Variants in ZCCHC4 observed in about 807,000 individuals in gnomAD.
The protein encoded by ZCCHC4 is zinc finger CCHC-type containing 4.
A neutral mutation model predicts 67.7 loss-of-function variants in ZCCHC4; 54 were observed. That is an observed-to-expected ratio of 0.80 (90% CI 0.64 to 1.00). The LOEUF (loss-of-function observed/expected upper bound fraction) is 1.00. Among genes scored for constraint, ZCCHC4 ranks in the 50% least tolerant of loss-of-function variants. The pLI is 0.00. For synonymous variants in ZCCHC4, 198 were observed against 213.5 expected (o/e 0.93, Z 0.63); for missense variants, 609 against 617.0 (o/e 0.99, Z 0.14).
chr4:25,342,084 G>GT (rs1484143774), intron 5 of ZCCHC4, among the ~76,000 whole-genome samples: 1 of 152,100 alleles, frequency 6.6e-6, no homozygotes, highest in African/African-American at 2.4e-5. Context: ...TCACAGTTCA[G>GT]TTTTTTTGAT....
At chr4:25,353,154 C>T (rs941616231) in intron 8 of ZCCHC4, among the ~76,000 whole-genome samples, 2 of 152,156 alleles carry the variant, frequency 1.3e-5, no homozygotes, top group African/African-American at 4.8e-5. Context: ...TTTTGGACTA[C>T]AGGTTGTTTT....
At position 25,362,630 on chromosome 4, in the gene ZCCHC4, C is replaced by T. The variant is rs578032670; in HGVS notation, c.1209+329C>T. 3.1e-4 allele frequency among the ~76,000 whole-genome samples: 47 copies of T among 152,208 alleles called. No individual in the cohort carries two copies. In the South Asian group the frequency reaches 9.6e-3, roughly 31 times the overall value. On this transcript the variant is annotated intron_variant, in intron 10 of 12. Coordinates refer to ENST00000302874, the MANE Select transcript of ZCCHC4 (RefSeq NM_024936.3). The stretch of plus-strand genomic sequence containing the variant: ...TATGGTGTTTCAAATAAGGCATTGA[C>T]GTATTGGGTACCATCATCATTCTGA...
At chr4:25,330,700 G>A (rs1719133963) in intron 3 of ZCCHC4, among the ~76,000 whole-genome samples, 1 of 152,164 alleles carries the variant, frequency 6.6e-6, no homozygotes, top group South Asian at 2.1e-4. Context: ...TGGTTCTAGG[G>A]CTAATTTTTC....
Position 25,347,634 on chromosome 4 carries a change from T to C in ZCCHC4, c.760-1858T>C, listed in dbSNP as rs537124730. Among the ~76,000 whole-genome samples the C allele has an allele frequency of 3.9e-5, 6 of 152,340 alleles. No homozygotes were observed. The East Asian group carries it at 7.7e-4, about 20-fold the overall frequency. On this transcript the variant is annotated intron_variant, in intron 6 of 12. Transcript: ENST00000302874. The stretch of plus-strand genomic sequence containing the variant: ...TACCATCCACTAATCAATCACTAAG[T>C]ATTTAAGTGTCGGCTCAGTGCCTTT...
At chr4:25,364,940 T>TTAA (rs1720884009) in intron 11 of ZCCHC4, 82 bp from the exon 12 acceptor site, 4 of 1,571,778 alleles carry the variant, frequency 2.5e-6, no homozygotes, top group Non-Finnish European at 3.5e-6. Flanking sequence ...TAAACACTGT[T>TTAA]CGTATATCCT....
rs748021191 is a variant in ZCCHC4 at position 25,349,500 on chromosome 4, T to C, written c.768T>C (p.Leu256=). Residue 256 remains leucine, a synonymous_variant, in exon 7 of 13, where the codon CTT becomes CTC. Coordinates refer to ENST00000302874, the MANE Select transcript of ZCCHC4 (RefSeq NM_024936.3). The part of the protein sequence containing the change: ...NHHFFDGKTA[L]EVCRAFLQED... ...ATTTTTATTTGTTCCAGACTGCCCT[T>C]GAAGTATGCAGAGCATTTTTACAGG... The C allele has an allele frequency of 2.5e-6, 4 of 1,613,750 alleles. No homozygotes were observed. Among genetic ancestry groups the C allele is most frequent in the Non-Finnish European group, 3.4e-6 (4 of 1,179,794 alleles).
intron 2 of ZCCHC4, among the ~76,000 whole-genome samples, chr4:25,314,803 T>C (rs1718164777): frequency 6.6e-6 from 1 of 152,212 alleles, no homozygotes. Flanking sequence ...TACAGATTGC[T>C]CACTAAAGAG....
At chr4:25,364,874 C>A in intron 11 of ZCCHC4, 148 bp from the exon 12 acceptor site, 1 of 1,079,136 alleles carries the variant, frequency 9.3e-7, no homozygotes, top group Non-Finnish European at 1.3e-6. Context: ...CCTCTTCTCC[C>A]TGGTCTCTTT....
chr4:25,358,077 G>GA (rs1217895561), intron 8 of ZCCHC4, among the ~76,000 whole-genome samples: 1 of 152,234 alleles, frequency 6.6e-6, no homozygotes, highest in Non-Finnish European at 1.5e-5. Context: ...TGGAGGAGGA[G>GA]ACTGAAGTAA....
chr4:25,327,559 A>C (rs1388619322), intron 3 of ZCCHC4, among the ~76,000 whole-genome samples: 1 of 151,890 alleles, frequency 6.6e-6, no homozygotes, highest in African/African-American at 2.4e-5. Context: ...GGCTCACTGT[A>C]GACTCTACCT....
At chr4:25,319,112 G>A (rs182853132) in intron 3 of ZCCHC4, among the ~76,000 whole-genome samples, 20 of 152,322 alleles carry the variant, frequency 1.3e-4, no homozygotes, top group Admixed American at 3.3e-4. Flanking sequence ...GGCCGGGTGC[G>A]GTGGCTCACG....
intron 7 of ZCCHC4, among the ~76,000 whole-genome samples, 166 bp from the exon 8 acceptor site, chr4:25,351,423 G>A (rs1720292301): frequency 6.6e-6 from 1 of 152,122 alleles, no homozygotes; most frequent in African/African-American, 2.4e-5. Flanking sequence ...TGACCTTTGG[G>A]AATAGACAGG....
intron 1 of ZCCHC4, 22 bp downstream of exon 1, chr4:25,312,958 G>A (rs758896884): frequency 1.2e-6 from 2 of 1,609,410 alleles, no homozygotes. Context: ...TCTGGGCTCA[G>A]CCTAACTGCC....
intron 5 of ZCCHC4, among the ~76,000 whole-genome samples, chr4:25,338,955 C>G (rs984316074): frequency 1.3e-5 from 2 of 152,128 alleles, no homozygotes; most frequent in Non-Finnish European, 2.9e-5. Context: ...GACTATGTGG[C>G]TTAAACAACA....
At chr4:25,333,880 T>C in intron 4 of ZCCHC4, 28 bp from the exon 5 acceptor site, 1 of 1,489,312 alleles carries the variant, frequency 6.7e-7, no homozygotes. Context: ...TAATATCTTA[T>C]TACATTTGCT....
At chr4:25,361,479 G>A (rs1487015573) in intron 8 of ZCCHC4, among the ~76,000 whole-genome samples, 4 of 152,232 alleles carry the variant, frequency 2.6e-5, no homozygotes, top group African/African-American at 9.6e-5. Context: ...GCCATGTGAG[G>A]CTCATTAGGT....
intron 5 of ZCCHC4, among the ~76,000 whole-genome samples, chr4:25,338,479 C>T (rs561857263): frequency 5.3e-5 from 8 of 152,272 alleles, no homozygotes; most frequent in Admixed American, 4.6e-4. Flanking sequence ...TAGCCATCAC[C>T]GCTATCTAAT....
At chr4:25,334,292 T>C (rs1175756694) in intron 5 of ZCCHC4, among the ~76,000 whole-genome samples, 1 of 152,256 alleles carries the variant, frequency 6.6e-6, no homozygotes, top group Non-Finnish European at 1.5e-5. Context: ...TCATATATTA[T>C]GTTCAAAGAT....
intron 3 of ZCCHC4, among the ~76,000 whole-genome samples, chr4:25,317,265 G>A (rs1015868617): frequency 3.9e-5 from 6 of 152,244 alleles, no homozygotes; most frequent in Non-Finnish European, 4.4e-5. Flanking sequence ...TTTTTCCTGA[G>A]CTGTTTAGTA....
Sources: gnomAD v4.1 joint callset for allele counts (sites outside exome capture counted in the v4.1 genomes callset) on GRCh38, gnomAD v4.1.1 for gene constraint, MANE v1.5 for transcripts, NCBI Gene and HGNC (gene_info 2026-07-23, HGNC 2026-07-21) for gene names.